CCNJL: variants seen among roughly 807,000 people sequenced by gnomAD.
CCNJL encodes the protein cyclin J like.
A neutral mutation model predicts 33.4 loss-of-function variants in CCNJL; 33 were observed. That is an observed-to-expected ratio of 0.99 (90% CI 0.75 to 1.32). The LOEUF (loss-of-function observed/expected upper bound fraction) is 1.32. CCNJL is among the 40% of genes most tolerant of loss of function. The probability of loss-of-function intolerance (pLI) is 0.00; values close to 1 mark genes in which losing one functional copy is unlikely to be tolerated. For synonymous variants in CCNJL, 227 were observed against 220.9 expected (o/e 1.03, Z -0.24); for missense variants, 512 against 499.7 (o/e 1.02, Z -0.23).
intron 1 of CCNJL, among the ~76,000 whole-genome samples, chr5:160,324,324 G>A (rs927385745): frequency 6.6e-6 from 1 of 152,204 alleles, no homozygotes; most frequent in Admixed American, 6.5e-5. Flanking sequence ...TGTAATCCCA[G>A]CACTTTGGGA....
intron 2 of CCNJL, among the ~76,000 whole-genome samples, chr5:160,297,368 C>A (rs908205822): frequency 7.0e-6 from 1 of 142,144 alleles, no homozygotes; most frequent in East Asian, 2.1e-4. Flanking sequence ...ACAGTTGAAG[C>A]CAGCAAAGCC....
intron 3 of CCNJL, among the ~76,000 whole-genome samples, chr5:160,268,277 C>T (rs546346288): frequency 1.8e-4 from 27 of 152,310 alleles, no homozygotes; most frequent in African/African-American, 5.1e-4. Flanking sequence ...GGCAGTGCAG[C>T]GGGCAGTGCC....
chr5:160,278,292 G>A (rs562307028), intron 3 of CCNJL, among the ~76,000 whole-genome samples: 24 of 152,202 alleles, frequency 1.6e-4, no homozygotes, highest in African/African-American at 5.1e-4. Context: ...GAGCCACCGC[G>A]CCCAGCCTTC....
At chr5:160,261,628 CCCCCCAACA>C (rs1761339289) in intron 3 of CCNJL, among the ~76,000 whole-genome samples, 1 of 149,688 alleles carries the variant, frequency 6.7e-6, no homozygotes, top group South Asian at 2.2e-4. Context: ...CCCCCATACT[CCCCCCAACA>C]CTCCCTCTTC....
intron 2 of CCNJL, among the ~76,000 whole-genome samples, chr5:160,306,003 G>A (rs1026162079): frequency 1.2e-4 from 19 of 152,220 alleles, no homozygotes; most frequent in Non-Finnish European, 2.9e-5. Flanking sequence ...GCCGGGAACA[G>A]TGGCTCACGC....
intron 2 of CCNJL, among the ~76,000 whole-genome samples, chr5:160,306,998 C>T (rs1257928467): frequency 1.3e-5 from 2 of 152,246 alleles, no homozygotes; most frequent in Non-Finnish European, 2.9e-5. Flanking sequence ...CTCCATCAAC[C>T]AGATCCTGTG....
At chr5:160,258,283 G>T in intron 4 of CCNJL, 2 of 730,906 alleles carry the variant, frequency 2.7e-6, no homozygotes, top group Non-Finnish European at 5.0e-6. Context: ...TGCAGCATCA[G>T]GCAAGTGGCT....
intron 1 of CCNJL, among the ~76,000 whole-genome samples, chr5:160,329,641 G>A (rs572991558): frequency 4.6e-5 from 7 of 152,218 alleles, no homozygotes; most frequent in South Asian, 2.1e-4. Flanking sequence ...GAGCCACTAC[G>A]CCCGGCCTCT....
At chr5:160,316,471 C>T (rs1168571500), upstream of CCNJL, among the ~76,000 whole-genome samples, 1 of 151,892 alleles carries the variant, frequency 6.6e-6, no homozygotes, top group African/African-American at 2.4e-5. Flanking sequence ...ACAAATTGGT[C>T]TAATATTTTC....
intron 2 of CCNJL, among the ~76,000 whole-genome samples, chr5:160,293,074 T>C (rs2113396532): frequency 6.6e-6 from 1 of 152,352 alleles, no homozygotes; most frequent in Middle Eastern, 3.4e-3. Context: ...CAAAACACTG[T>C]GTTCTAACCC....
chr5:160,253,928 C>T, intron 5 of CCNJL, 130 bp from the exon 6 acceptor site: 1 of 629,160 alleles, frequency 1.6e-6, no homozygotes, highest in Non-Finnish European at 2.6e-6. Flanking sequence ...CCTTACCTGG[C>T]TGTGCTCACT....
intron 5 of CCNJL, 42 bp downstream of exon 5, chr5:160,255,507 C>A (rs1239836312): frequency 6.3e-7 from 1 of 1,599,992 alleles, no homozygotes; most frequent in Non-Finnish European, 8.6e-7. Context: ...GCAAGAGGAA[C>A]CTCACTATTT....
chr5:160,288,829 TAAAAA>T (rs33916362), intron 2 of CCNJL, among the ~76,000 whole-genome samples: 1 of 89,538 alleles, frequency 1.1e-5, no homozygotes, highest in South Asian at 3.5e-4. Context: ...AGACTCTGTC[TAAAAA>T]AAAAAAAAAA....
At chr5:160,308,144 C>A (rs1206191214) in intron 2 of CCNJL, among the ~76,000 whole-genome samples, 1 of 152,220 alleles carries the variant, frequency 6.6e-6, no homozygotes, top group Non-Finnish European at 1.5e-5. Context: ...CTAAGCCTTA[C>A]TCTGAGCAGC....
At chr5:160,318,192 T>C (rs1763400836) in intron 1 of CCNJL, among the ~76,000 whole-genome samples, 1 of 152,146 alleles carries the variant, frequency 6.6e-6, no homozygotes, top group South Asian at 2.1e-4. Flanking sequence ...AATTTTTGTA[T>C]TTTTAGTAGA....
intron 3 of CCNJL, chr5:160,269,514 G>A (rs1245739969): frequency 4.4e-6 from 2 of 456,370 alleles, no homozygotes; most frequent in Non-Finnish European, 8.8e-6. Flanking sequence ...TGAACGTGTG[G>A]GCACTGGGGA....
At chr5:160,269,271 C>A (rs1300921373) in intron 3 of CCNJL, among the ~76,000 whole-genome samples, 1 of 152,186 alleles carries the variant, frequency 6.6e-6, no homozygotes. Flanking sequence ...CCGCTTTACA[C>A]GTGACCCAAA....
At chr5:160,329,420 G>A (rs988001811) in intron 1 of CCNJL, among the ~76,000 whole-genome samples, 20 of 148,836 alleles carry the variant, frequency 1.3e-4, no homozygotes, top group Non-Finnish European at 2.2e-4. Context: ...GCATGATCTC[G>A]GCTCACTGCA....
intron 1 of CCNJL, among the ~76,000 whole-genome samples, chr5:160,335,126 G>C (rs557273391): frequency 6.6e-6 from 1 of 151,828 alleles, no homozygotes; most frequent in African/African-American, 2.4e-5. Context: ...AGTCAGGTGT[G>C]GTGGCATGCG....
Sources: gnomAD v4.1 joint callset for allele counts (sites outside exome capture counted in the v4.1 genomes callset) on GRCh38, gnomAD v4.1.1 for gene constraint, MANE v1.5 for transcripts, NCBI Gene and HGNC (gene_info 2026-07-23, HGNC 2026-07-21) for gene names.